IGSF10: variants seen among roughly 807,000 people sequenced by gnomAD.
IGSF10 encodes the protein calvaria mechanical force protein 608.
A neutral mutation model predicts 128.2 loss-of-function variants in IGSF10; 126 were observed. The ratio of observed to expected loss-of-function variants is 0.98; its 90% confidence interval spans 0.85 to 1.14. The LOEUF (loss-of-function observed/expected upper bound fraction) is 1.14, where lower values mean the gene tolerates loss of function less well. Among genes scored for constraint, IGSF10 ranks in the 50% most tolerant of loss-of-function variants. IGSF10 has a pLI of 0.00. For synonymous variants in IGSF10, 1,185 were observed against 1,146.2 expected (o/e 1.03, Z -0.68); for missense variants, 3,295 against 3,149.8 (o/e 1.05, Z -1.10).
chr3:151,539,768 CTAT>C, the IGSF10 span, among the ~76,000 whole-genome samples: 7 of 62,994 alleles, frequency 1.1e-4, no homozygotes, highest in East Asian at 2.4e-3. Context: ...TCAACAGCAT[CTAT>C]CTATCTATCT....
At chr3:151,494,002 GA>G in the IGSF10 span, among the ~76,000 whole-genome samples, 3 of 151,154 alleles carry the variant, frequency 2.0e-5, no homozygotes, top group Admixed American at 6.6e-5. Flanking sequence ...GCATTGTAAA[GA>G]AAAAAAACAA....
the IGSF10 span, among the ~76,000 whole-genome samples, chr3:151,521,832 G>A: frequency 3.3e-5 from 5 of 151,888 alleles, no homozygotes; most frequent in Non-Finnish European, 5.9e-5. Flanking sequence ...CCCAAAGCTA[G>A]CAGAAGACAA....
chr3:151,500,741 C>T, the IGSF10 span, among the ~76,000 whole-genome samples: 2 of 152,088 alleles, frequency 1.3e-5, no homozygotes, highest in African/African-American at 4.8e-5. Flanking sequence ...CACATTTGCA[C>T]GTATATTCCA....
chr3:151,598,026 G>A, the IGSF10 span, among the ~76,000 whole-genome samples: 1 of 151,790 alleles, frequency 6.6e-6, no homozygotes, highest in Non-Finnish European at 1.5e-5. Context: ...CCCATGGAGA[G>A]AGCAATAGCA....
chr3:151,558,027 A>AATATATATATATAATATATATATATAT, the IGSF10 span, among the ~76,000 whole-genome samples: 3 of 52,932 alleles, frequency 5.7e-5, no homozygotes, highest in Non-Finnish European at 1.0e-4. Flanking sequence ...TAATATATAT[A>AATATATATATATAATATATATATATAT]TTGGTACAAT....
At chr3:151,480,114 G>A in the IGSF10 span, among the ~76,000 whole-genome samples, 4 of 152,008 alleles carry the variant, frequency 2.6e-5, no homozygotes, top group Admixed American at 2.6e-4. Flanking sequence ...CAAGATGGCC[G>A]ACTAGAAGCT....
At chr3:151,609,060 G>A in the IGSF10 span, among the ~76,000 whole-genome samples, 2 of 152,192 alleles carry the variant, frequency 1.3e-5, no homozygotes, top group African/African-American at 4.8e-5. Context: ...TGAAGACTGA[G>A]AACGACTGCT....
the IGSF10 span, among the ~76,000 whole-genome samples, chr3:151,612,531 A>G: frequency 6.6e-6 from 1 of 152,212 alleles, no homozygotes; most frequent in Admixed American, 6.5e-5. Flanking sequence ...ATAAGAGTAT[A>G]GAAGTAGAAA....
the IGSF10 span, among the ~76,000 whole-genome samples, chr3:151,497,326 T>C: frequency 6.6e-6 from 1 of 152,210 alleles, no homozygotes; most frequent in Non-Finnish European, 1.5e-5. Flanking sequence ...TTTTAAGTCT[T>C]TAATCCATCT....
At chr3:151,487,233 G>C in the IGSF10 span, among the ~76,000 whole-genome samples, 1 of 152,144 alleles carries the variant, frequency 6.6e-6, no homozygotes, top group Non-Finnish European at 1.5e-5. Flanking sequence ...AAATCTAGAA[G>C]AAATGGATAA....
Position 151,443,555 on chromosome 3 carries a change from C to A in IGSF10, c.5392G>T (p.Val1798Leu). The A allele has an allele frequency of 6.2e-7, 1 of 1,614,242 alleles. No individual in the cohort carries two copies. The highest frequency in any genetic ancestry group is 8.5e-7 in the Non-Finnish European group (1 of 1,180,042). Residue 1798 changes from valine (V) to leucine (L), a missense_variant, in exon 7 of 8, where the codon GTG becomes TTG. Physicochemically the swap from Val to Leu is conservative, Grantham distance 32 (BLOSUM62 1). Transcript: ENST00000282466. ...SESSQGSRQAVVTVDGTLVLH... is the reference protein window; with the variant it reads ...SESSQGSRQALVTVDGTLVLH... ...ACCAATGTTCCGTCAACCGTCACCA[C>A]AGCCTGCCTACTTCCCTGGGATGAT...
At chr3:151,444,343 T>C (rs1721057104) in intron 6 of IGSF10, among the ~76,000 whole-genome samples, 1 of 152,240 alleles carries the variant, frequency 6.6e-6, no homozygotes, top group African/African-American at 2.4e-5. Context: ...GTTTCACTCT[T>C]GTTGCCCAGG....
chr3:151,522,087 T>C, the IGSF10 span, among the ~76,000 whole-genome samples: 2 of 151,930 alleles, frequency 1.3e-5, no homozygotes, highest in Non-Finnish European at 2.9e-5. Context: ...GAACACAAAC[T>C]AGAAAACCTA....
chr3:151,543,677 C>A, the IGSF10 span, among the ~76,000 whole-genome samples: 2 of 152,258 alleles, frequency 1.3e-5, no homozygotes, highest in African/African-American at 2.4e-5. Flanking sequence ...CTTTTACAGA[C>A]AATAGTGGCT....
the IGSF10 span, among the ~76,000 whole-genome samples, chr3:151,557,363 C>A: frequency 3.5e-4 from 54 of 152,196 alleles, no homozygotes; most frequent in South Asian, 1.5e-3. Flanking sequence ...GGTGTGGTGC[C>A]AACTCCAGTC....
At position 151,447,230 on chromosome 3, in the gene IGSF10, T is replaced by G. The variant is rs1560177478; in HGVS notation, c.2751A>C (p.Gln917His). 2 of 1,614,188 alleles carry G rather than the reference T, an allele frequency of 1.2e-6. No homozygotes were observed. Among genetic ancestry groups the G allele is most frequent in the Non-Finnish European group, 1.7e-6 (2 of 1,180,024 alleles). The change falls in exon 6 of 8, where the codon CAA becomes CAC. Residue 917 changes from glutamine to histidine, a missense_variant. Coordinates refer to ENST00000282466, the MANE Select transcript of IGSF10 (RefSeq NM_178822.5). ...TCCTTACTGTTATTGGGGGTCTACTTTGGAAATGCTCTCTTCCTCTTCCCA... is the reference window on the plus strand; with the variant it reads ...TCCTTACTGTTATTGGGGGTCTACTGTGGAAATGCTCTCTTCCTCTTCCCA... ...DQMGRGREHF[Q>H]SRPPITVRTM...
the IGSF10 span, among the ~76,000 whole-genome samples, chr3:151,521,435 T>C: frequency 6.6e-6 from 1 of 151,958 alleles, no homozygotes. Flanking sequence ...TGGTGCATAC[T>C]GTAAAACTGA....
the IGSF10 span, among the ~76,000 whole-genome samples, chr3:151,556,511 G>C: frequency 1.2e-4 from 18 of 152,050 alleles, no homozygotes; most frequent in Non-Finnish European, 2.5e-4. Context: ...AACTGAACAA[G>C]ATGTAAGAAG....
chr3:151,467,145 G>C, the IGSF10 span, among the ~76,000 whole-genome samples: 1 of 152,210 alleles, frequency 6.6e-6, no homozygotes, highest in Non-Finnish European at 1.5e-5. Context: ...CATGACAAAA[G>C]AGGGCTGTGC....
Sources: allele counts gnomAD v4.1 joint callset (sites outside exome capture counted in the v4.1 genomes callset), GRCh38; gene constraint gnomAD v4.1.1; transcripts MANE v1.5; gene names NCBI Gene and HGNC (gene_info 2026-07-23, HGNC 2026-07-21).